Variants in IL1RAPL2 observed in about 807,000 individuals in gnomAD.
IL1RAPL2 encodes interleukin 1 receptor accessory protein like 2.
Under a neutral mutation model 44.1 loss-of-function variants are expected in IL1RAPL2, and 3 were observed. The ratio of observed to expected loss-of-function variants is 0.07; its 90% CI spans 0.03 to 0.18. The LOEUF (loss-of-function observed/expected upper bound fraction) is 0.18, where lower values mean the gene tolerates loss of function less well. IL1RAPL2 is among the 10% of genes least tolerant of loss of function. IL1RAPL2 has a pLI of 1.00. For synonymous variants in IL1RAPL2, 181 were observed against 178.8 expected (o/e 1.01, Z -0.10); for missense variants, 391 against 496.4 (o/e 0.79, Z 2.02).
intron 2 of IL1RAPL2, among the ~76,000 whole-genome samples, chrX:104,741,833 GA>G (rs1461594997): frequency 9.0e-6 from 1 of 111,104 alleles, no homozygotes; most frequent in African/African-American, 3.3e-5. Flanking sequence ...TTCAGTGCAA[GA>G]AAAAAGTCAC....
intron 5 of IL1RAPL2, among the ~76,000 whole-genome samples, chrX:105,404,940 G>A (rs1353162963): frequency 8.9e-6 from 1 of 111,786 alleles, no homozygotes; most frequent in African/African-American, 3.3e-5. Flanking sequence ...CTATGACCAA[G>A]TTTATGTATT....
chrX:105,395,848 A>G (rs1225912464), intron 5 of IL1RAPL2, among the ~76,000 whole-genome samples: 1 of 111,727 alleles, frequency 9.0e-6, no homozygotes, highest in Non-Finnish European at 1.9e-5. Context: ...TTAACCTGGG[A>G]AATTGTTAGA....
chrX:105,176,366 A>G (rs1283220706), intron 2 of IL1RAPL2, among the ~76,000 whole-genome samples: 1 of 111,063 alleles, frequency 9.0e-6, no homozygotes, highest in African/African-American at 3.3e-5. Flanking sequence ...GAAGTATGCT[A>G]TATGTGGCCA....
intron 2 of IL1RAPL2, among the ~76,000 whole-genome samples, chrX:104,791,375 G>A (rs1341317804): frequency 9.0e-6 from 1 of 111,303 alleles, no homozygotes; most frequent in Non-Finnish European, 1.9e-5. Flanking sequence ...GGGCAAAGAT[G>A]TCCTTGCATT....
intron 6 of IL1RAPL2, among the ~76,000 whole-genome samples, chrX:105,509,735 C>G (rs1251385182): frequency 9.0e-6 from 1 of 111,296 alleles, no homozygotes. Flanking sequence ...GCAACCAAAA[C>G]TAGGTGGCAA....
At chrX:105,505,575 A>G (rs1813227663) in intron 6 of IL1RAPL2, among the ~76,000 whole-genome samples, 1 of 111,057 alleles carries the variant, frequency 9.0e-6, no homozygotes, top group African/African-American at 3.3e-5. Context: ...GAAAGAAAAA[A>G]ATGTTGAGAA....
chrX:105,058,842 G>A (rs958970496), intron 2 of IL1RAPL2, among the ~76,000 whole-genome samples: 1 of 111,935 alleles, frequency 8.9e-6, no homozygotes, highest in Non-Finnish European at 1.9e-5. Flanking sequence ...TGCCATGTCA[G>A]TTTCCATGAT....
At chrX:105,322,266 T>G (rs942928489) in intron 5 of IL1RAPL2, among the ~76,000 whole-genome samples, 4 of 112,853 alleles carry the variant, frequency 3.5e-5, no homozygotes, top group African/African-American at 1.3e-4. Context: ...CCACAGGTTT[T>G]TAATTTGTTT....
intron 2 of IL1RAPL2, among the ~76,000 whole-genome samples, chrX:105,007,897 T>C (rs967343764): frequency 8.7e-6 from 1 of 114,757 alleles, no homozygotes; most frequent in African/African-American, 3.1e-5. Context: ...AAGTCTATAG[T>C]AAGAAACTAC....
intron 7 of IL1RAPL2, among the ~76,000 whole-genome samples, chrX:105,727,876 C>T (rs1283189455): frequency 9.0e-6 from 1 of 111,266 alleles, no homozygotes; most frequent in Non-Finnish European, 1.9e-5. Flanking sequence ...GCATTACACA[C>T]ACACTGTAAT....
intron 3 of IL1RAPL2, among the ~76,000 whole-genome samples, chrX:105,221,760 C>A (rs1161979510): frequency 2.7e-5 from 3 of 111,932 alleles, no homozygotes; most frequent in Non-Finnish European, 5.6e-5. Flanking sequence ...CTAATGGCCT[C>A]TTGCTTATTT....
At chrX:105,678,580 G>A (rs1250971452) in intron 6 of IL1RAPL2, among the ~76,000 whole-genome samples, 1 of 108,793 alleles carries the variant, frequency 9.2e-6, no homozygotes, top group Non-Finnish European at 1.9e-5. Flanking sequence ...CACTCACAAT[G>A]CATTTTATAG....
At chrX:105,606,389 A>C (rs1387770697) in intron 6 of IL1RAPL2, among the ~76,000 whole-genome samples, 3 of 111,976 alleles carry the variant, frequency 2.7e-5, no homozygotes, top group Non-Finnish European at 3.8e-5. Context: ...CTATTATCAA[A>C]AAGAGTAAAA....
chrX:104,976,081 G>A (rs979018441), intron 2 of IL1RAPL2, among the ~76,000 whole-genome samples: 2 of 111,087 alleles, frequency 1.8e-5, no homozygotes, highest in African/African-American at 6.6e-5. Context: ...ATCGTAAAAT[G>A]TCGTTATAAT....
chrX:105,356,182 G>GGT (rs201568492), intron 5 of IL1RAPL2, among the ~76,000 whole-genome samples: 1,193 of 100,038 alleles, frequency 0.012, 21 homozygotes, highest in African/African-American at 0.056. Context: ...GTGTGTGTGT[G>GGT]TGGTTTGTTT....
At chrX:105,281,339 G>C (rs1321186659) in intron 5 of IL1RAPL2, among the ~76,000 whole-genome samples, 1 of 111,311 alleles carries the variant, frequency 9.0e-6, no homozygotes, top group Non-Finnish European at 1.9e-5. Flanking sequence ...GGGTTGATGG[G>C]TGTGGCAAAC....
chrX:104,672,770 C>G (rs1198767897), intron 2 of IL1RAPL2, among the ~76,000 whole-genome samples: 2 of 107,365 alleles, frequency 1.9e-5, no homozygotes, highest in Non-Finnish European at 3.8e-5. Flanking sequence ...TGTTTCCTGA[C>G]TTTTTAATGA....
intron 2 of IL1RAPL2, among the ~76,000 whole-genome samples, chrX:105,034,002 C>T (rs2031569750): frequency 8.9e-6 from 1 of 112,011 alleles, no homozygotes; most frequent in Non-Finnish European, 1.9e-5. Context: ...ACCCTTTCTT[C>T]CAGTTGATTG....
intron 2 of IL1RAPL2, among the ~76,000 whole-genome samples, chrX:105,100,219 C>G (rs112478340): frequency 9.0e-6 from 1 of 111,659 alleles, no homozygotes; most frequent in African/African-American, 3.3e-5. Context: ...TTGGTACTAT[C>G]CACAGTTTCA....
Sources: gnomAD v4.1 joint callset for allele counts (sites outside exome capture counted in the v4.1 genomes callset) on GRCh38, gnomAD v4.1.1 for gene constraint, MANE v1.5 for transcripts, NCBI Gene and HGNC (gene_info 2026-07-23, HGNC 2026-07-21) for gene names.